RDH11: variants seen among roughly 807,000 people sequenced by gnomAD.
RDH11 encodes the protein retinol dehydrogenase 11.
RDH11 carries 19 observed loss-of-function variants against 33.4 expected under a neutral mutation model. The observed-to-expected ratio is 0.57, with a 90% confidence interval of 0.40 to 0.83. RDH11 has a LOEUF of 0.83. Among genes scored for constraint, RDH11 ranks in the 40% least tolerant of loss-of-function variants. The pLI is 0.00. For missense variants in RDH11, 353 were observed against 389.0 expected (o/e 0.91, Z 0.78); for synonymous variants, 154 against 155.3 (o/e 0.99, Z 0.06).
intron 5 of RDH11, among the ~76,000 whole-genome samples, chr14:67,687,813 G>T (rs573167087): frequency 6.9e-6 from 1 of 145,448 alleles, no homozygotes; most frequent in East Asian, 2.0e-4. Flanking sequence ...TACTCGTGAC[G>T]CCCAGGCTGG....
chr14:67,689,074 C>A (rs1371699886), intron 5 of RDH11, among the ~76,000 whole-genome samples: 1 of 152,154 alleles, frequency 6.6e-6, no homozygotes, highest in Non-Finnish European at 1.5e-5. Context: ...ACCACTGGAC[C>A]CATCTTTCCA....
intron 5 of RDH11, among the ~76,000 whole-genome samples, chr14:67,686,953 C>T (rs1475332817): frequency 6.6e-6 from 1 of 152,172 alleles, no homozygotes; most frequent in Admixed American, 6.5e-5. Flanking sequence ...TACTCGACAT[C>T]TCCCTAGATG....
At chr14:67,688,287 A>C (rs1029360931) in intron 5 of RDH11, among the ~76,000 whole-genome samples, 1 of 152,216 alleles carries the variant, frequency 6.6e-6, no homozygotes, top group African/African-American at 2.4e-5. Flanking sequence ...AACAAAAAGG[A>C]AACAATCCAG....
At chr14:67,693,110 T>G in intron 1 of RDH11, 58 bp from the exon 2 acceptor site, 1 of 1,140,792 alleles carries the variant, frequency 8.8e-7, no homozygotes, top group Non-Finnish European at 1.3e-6. Context: ...AGCCAGTAGG[T>G]TCCTGCAACT....
rs1490504282 is a variant in RDH11 at position 67,690,212 on chromosome 14, CT to C, written c.663del (p.Gly222AlafsTer25). 6.2e-7 allele frequency: 1 copy of C among 1,612,466 alleles called. No homozygotes were observed. Among genetic ancestry groups the C allele is most frequent in the Non-Finnish European group, 8.5e-7 (1 of 1,179,640 alleles). ...LFTQELARRL[K>X]GSGVTTYSVH... is the part of the protein sequence containing the mutation. ...CCACATTCATTTCCTCTAGGCCCAC[CT>C]TTTAGTCTCCGGGCCAGTTCCTGGG... is the stretch of plus-strand genomic sequence containing the variant. On this transcript the variant is annotated frameshift_variant and splice_region_variant, in exon 5 of 7. Coordinates refer to ENST00000381346, the MANE Select transcript of RDH11 (RefSeq NM_016026.4). LOFTEE classifies it high-confidence loss of function.
In RDH11 at chr14:67,678,346, TCAC is replaced by T; in HGVS notation, c.929_931del (p.Cys310_Asp311delinsTyr). 6.2e-7 allele frequency: 1 copy of T among 1,613,870 alleles called. No homozygotes were observed. Among genetic ancestry groups the T allele is most frequent in the Non-Finnish European group, 8.5e-7 (1 of 1,179,804 alleles). On this transcript the variant is annotated inframe_deletion, in exon 7 of 7. Coordinates refer to ENST00000381346, the MANE Select transcript of RDH11 (RefSeq NM_016026.4). The stretch of plus-strand genomic sequence containing the variant: ...TTAGTCTATTGGGAGGCCCAGCAGG[TCAC>T]AACTGACGTCCCACAGCCGCCTTGC...
At position 67,692,999 on chromosome 14, in the gene RDH11, A is replaced by G; in HGVS notation, c.128T>C (p.Val43Ala). Residue 43 changes from valine to alanine, a missense_variant, in exon 2 of 7, where the codon GTA (valine) becomes GCA (alanine). Coordinates refer to ENST00000381346, the MANE Select transcript of RDH11 (RefSeq NM_016026.4). ...TGTATTAGCTCCTGTGACCACAACT[A>G]CTTTCCCAGGAAGCTGAACAGTTGA... ...CTSTVQLPGKVVVVTGANTGI... is the reference protein window; with the variant it reads ...CTSTVQLPGKAVVVTGANTGI... 1.2e-6 allele frequency: 2 copies of G among 1,614,088 alleles called. No homozygotes were observed. Among genetic ancestry groups the G allele is most frequent in the Non-Finnish European group, 1.7e-6 (2 of 1,179,988 alleles).
Position 67,692,436 on chromosome 14 carries a change from A to G in RDH11, c.349+2T>C, listed in dbSNP as rs774947729. ...ACATAGTCTCTCTAGTTCTACACTTACCAGCTAAGAAGCCCTTAGCAAAAG... is the reference window on the plus strand; with the variant it reads ...ACATAGTCTCTCTAGTTCTACACTTGCCAGCTAAGAAGCCCTTAGCAAAAG... On this transcript the variant is annotated splice_donor_variant, in intron 3 of 6. Coordinates refer to ENST00000381346, the MANE Select transcript of RDH11 (RefSeq NM_016026.4). LOFTEE classifies it high-confidence loss of function. 6.2e-7 allele frequency: 1 copy of G among 1,614,060 alleles called. No individual in the cohort carries two copies. Among genetic ancestry groups the G allele is most frequent in the Admixed American group, 1.7e-5 (1 of 60,006 alleles).
rs370274123 is a variant in RDH11, at chr14:67,689,665, C to G, written c.664+547G>C. ...GAAGTCCTAAAAGTTAAGTAATGGC[C>G]AGGTGCGGTGGCTCACACCTAAAAT... is the stretch of plus-strand genomic sequence containing the variant. On this transcript the variant is annotated intron_variant, in intron 5 of 6. Transcript: ENST00000381346. Among the ~76,000 whole-genome samples, 46 of 152,240 alleles carry G rather than the reference C, an allele frequency of 3.0e-4. 1 individual carries two copies. Among genetic ancestry groups the G allele is most frequent in the African/African-American group, 1.1e-3 (45 of 41,554 alleles).
At chr14:67,679,771 A>G (rs923126281) in intron 6 of RDH11, among the ~76,000 whole-genome samples, 1 of 152,180 alleles carries the variant, frequency 6.6e-6, no homozygotes, top group African/African-American at 2.4e-5. Context: ...ATTCTGACTC[A>G]TTTTTGTATT....
intron 1 of RDH11, among the ~76,000 whole-genome samples, chr14:67,694,273 C>T (rs1286503869): frequency 3.9e-5 from 6 of 152,110 alleles, no homozygotes; most frequent in African/African-American, 1.2e-4. Context: ...CTGTTTCCCA[C>T]ATCCCCTTAC....
At chr14:67,692,367 T>C (rs1005255803) in intron 3 of RDH11, 71 bp downstream of exon 3, 6 of 1,540,130 alleles carry the variant, frequency 3.9e-6, no homozygotes, top group Non-Finnish European at 5.3e-6. Flanking sequence ...AAGAGGGACC[T>C]TTTCCTTTTA....
chr14:67,691,420 C>A (rs1248017808), intron 3 of RDH11, 176 bp from the exon 4 acceptor site: 1 of 553,170 alleles, frequency 1.8e-6, no homozygotes, highest in Non-Finnish European at 3.2e-6. Flanking sequence ...TGAATCCCAC[C>A]TACTTTTACT....
chr14:67,682,628 T>G (rs1219496738), intron 6 of RDH11, among the ~76,000 whole-genome samples: 1 of 152,230 alleles, frequency 6.6e-6, no homozygotes, highest in African/African-American at 2.4e-5. Context: ...GTGAAGAAAT[T>G]AGAATACTCA....
At chr14:67,688,962 G>A (rs1050912282) in intron 5 of RDH11, among the ~76,000 whole-genome samples, 3 of 152,156 alleles carry the variant, frequency 2.0e-5, no homozygotes, top group Non-Finnish European at 4.4e-5. Context: ...CTGAATGAAT[G>A]AATCTTCTGT....
chr14:67,687,773 T>C (rs2037699885), intron 5 of RDH11, among the ~76,000 whole-genome samples: 1 of 144,774 alleles, frequency 6.9e-6, no homozygotes, highest in South Asian at 2.2e-4. Context: ...GTCCGGCCCT[T>C]TTTTTTTTTC....
chr14:67,678,473 G>T (rs1318657402), intron 6 of RDH11, 50 bp from the exon 7 acceptor site: 2 of 1,251,192 alleles, frequency 1.6e-6, no homozygotes, highest in Admixed American at 3.4e-5. Context: ...AATGAAGTCT[G>T]CCATCTGCCA....
At position 67,692,567 on chromosome 14, in the gene RDH11, C is replaced by A. The variant is rs1232878026; in HGVS notation, c.220G>T (p.Asp74Tyr). 1 of 1,602,444 alleles carries A rather than the reference C, an allele frequency of 6.2e-7. No individual in the cohort carries two copies. The highest frequency in any genetic ancestry group is 1.7e-5 in the Admixed American group (1 of 57,944). The change falls in exon 3 of 7, where the codon GAT (aspartate) becomes TAT (tyrosine). Residue 74 changes from aspartate (D) to tyrosine (Y), a missense_variant. Physicochemically the swap from Asp to Tyr is radical, Grantham distance 160 (BLOSUM62 -3). Coordinates refer to ENST00000381346, the MANE Select transcript of RDH11 (RefSeq NM_016026.4). The part of the protein sequence containing the change: ...RGARVYLACR[D>Y]VEKGELVAKE... ...GCCACCAATTCCCCCTTTTCCACAT[C>A]CCGGCAAGCTAAATATACTCGAGCT...
At chr14:67,692,340 C>A in intron 3 of RDH11, 98 bp downstream of exon 3, 1 of 1,317,048 alleles carries the variant, frequency 7.6e-7, no homozygotes. Context: ...TATATTTTAT[C>A]CACCACTTCT....
Sources: allele counts gnomAD v4.1 joint callset (sites outside exome capture counted in the v4.1 genomes callset), GRCh38; gene constraint gnomAD v4.1.1; transcripts MANE v1.5; gene names NCBI Gene and HGNC (gene_info 2026-07-23, HGNC 2026-07-21).